Variants in IQGAP2 observed in about 807,000 individuals in gnomAD.
The protein encoded by IQGAP2 is ras GTPase-activating-like protein IQGAP2.
IQGAP2 carries 173 observed loss-of-function variants against 201.3 expected under a neutral mutation model. The ratio of observed to expected loss-of-function variants is 0.86; its 90% CI spans 0.76 to 0.98. The LOEUF (loss-of-function observed/expected upper bound fraction) is 0.98. Ranked by LOEUF, IQGAP2 falls within the 50% of genes least tolerant of loss-of-function variation. The probability of loss-of-function intolerance (pLI) is 0.00; values close to 1 mark genes in which losing one functional copy is unlikely to be tolerated. For missense variants in IQGAP2, 1,687 were observed against 1,864.8 expected, an observed-to-expected ratio of 0.90 and a Z score of 1.76; for synonymous variants, 675 against 673.9, an observed-to-expected ratio of 1.00 and a Z score of -0.03.
In IQGAP2 at chr5:76,674,584, A is replaced by G; in HGVS notation, c.3402A>G (p.Gln1134=). The part of the protein sequence containing the change: ...MTAGGQINSD[Q]RRNLGSVAKV... ...CTGGAGGTCAGATAAATTCTGACCA[A>G]AGGAGAAACTTAGGATCAGTGGCCA... Residue 1134 remains glutamine (Q), a synonymous_variant, in exon 27 of 36, where the codon CAA becomes CAG. Coordinates refer to ENST00000274364, the MANE Select transcript of IQGAP2 (RefSeq NM_006633.5). 2 of 1,614,156 alleles carry G rather than the reference A, an allele frequency of 1.2e-6. No homozygotes were observed. Among genetic ancestry groups the G allele is most frequent in the Non-Finnish European group, 1.7e-6 (2 of 1,179,992 alleles).
Position 76,668,672 on chromosome 5 carries a change from T to C in IQGAP2, c.2680-9T>C. 6.3e-7 allele frequency: 1 copy of C among 1,592,486 alleles called. No individual in the cohort carries two copies. Among genetic ancestry groups the C allele is most frequent in the Non-Finnish European group, 8.5e-7 (1 of 1,174,204 alleles). On this transcript the variant is annotated splice_polypyrimidine_tract_variant and intron_variant, in intron 22 of 35. Coordinates refer to ENST00000274364, the MANE Select transcript of IQGAP2 (RefSeq NM_006633.5). ...TTTTTTTGTTTTCTTTTTCCTTCTT[T>C]CCTTCTAGACCAACCCTTTATACTT...
intron 17 of IQGAP2, among the ~76,000 whole-genome samples, chr5:76,649,573 G>A (rs1002935167): frequency 6.6e-6 from 1 of 152,164 alleles, no homozygotes; most frequent in Admixed American, 6.5e-5. Flanking sequence ...TGCTGTTGTG[G>A]CTCTGAATGA....
At chr5:76,529,628 G>A (rs1409172956) in intron 2 of IQGAP2, among the ~76,000 whole-genome samples, 1 of 115,624 alleles carries the variant, frequency 8.6e-6, no homozygotes, top group Non-Finnish European at 1.8e-5. Context: ...ACTCCCTCTC[G>A]GAATAATAAT....
rs1744867738 is a variant in IQGAP2 at position 76,567,945 on chromosome 5, C to A, written c.304-2635C>A. 2.0e-5 allele frequency among the ~76,000 whole-genome samples: 3 copies of A among 152,270 alleles called. 1 individual carries two copies. Among genetic ancestry groups the A allele is most frequent in the African/African-American group, 7.2e-5 (3 of 41,556 alleles). On this transcript the variant is annotated intron_variant, in intron 3 of 35. Coordinates refer to ENST00000274364, the MANE Select transcript of IQGAP2 (RefSeq NM_006633.5). Reference sequence around the variant, plus strand: ...AAGAAATTAGGTGTATGGATAACAGCAACCCTTGGCTAAATCTGACTGTAG... The same window carrying A: ...AAGAAATTAGGTGTATGGATAACAGAAACCCTTGGCTAAATCTGACTGTAG...
chr5:76,422,328 A>C (rs905772692), intron 1 of IQGAP2, among the ~76,000 whole-genome samples: 3 of 152,328 alleles, frequency 2.0e-5, no homozygotes, highest in East Asian at 3.9e-4. Flanking sequence ...CAGATTAAGC[A>C]AGTGTGTTCC....
At position 76,516,917 on chromosome 5, in the gene IQGAP2, A is replaced by G. The variant is rs540773407; in HGVS notation, c.147-45479A>G. Among the ~76,000 whole-genome samples the G allele has an allele frequency of 4.6e-5, 7 of 152,336 alleles. No individual in the cohort carries two copies. In the South Asian group the frequency reaches 1.4e-3, roughly 32 times the overall value. The stretch of plus-strand genomic sequence containing the variant: ...AAAACATTGTATTTTAAAAATTGAT[A>G]AAGACACTCCATTTGTAAGTACTTG... On this transcript the variant is annotated intron_variant, in intron 2 of 35. Transcript: ENST00000274364.
At chr5:76,505,812 A>G (rs985715081) in intron 2 of IQGAP2, among the ~76,000 whole-genome samples, 2 of 152,134 alleles carry the variant, frequency 1.3e-5, no homozygotes, top group Non-Finnish European at 2.9e-5. Flanking sequence ...ACTTTTACTT[A>G]GCACCCATTA....
chr5:76,514,588 C>CCCT (rs1171432783), intron 2 of IQGAP2, among the ~76,000 whole-genome samples: 1 of 152,214 alleles, frequency 6.6e-6, no homozygotes. Context: ...ATGCTACTCT[C>CCCT]CCTCCTCGGT....
intron 21 of IQGAP2, among the ~76,000 whole-genome samples, chr5:76,664,609 G>T (rs1743571011): frequency 6.6e-6 from 1 of 152,132 alleles, no homozygotes; most frequent in Non-Finnish European, 1.5e-5. Flanking sequence ...CTTGAACCTG[G>T]CAGGCAGAGG....
At position 76,693,373 on chromosome 5, in the gene IQGAP2, T is replaced by A. The variant is rs1459160627; in HGVS notation, c.3924T>A (p.Ile1308=). ...SLMIKTKKLI[I]DVIRNQPGNT... is the part of the protein sequence containing the mutation. ...TGTTAAGGACCAAGAAGCTGATAAT[T>A]GATGTGATCCGGAACCAGCCAGGGA... Residue 1308 remains isoleucine, a synonymous_variant, in exon 31 of 36, where the codon ATT becomes ATA. Coordinates refer to ENST00000274364, the MANE Select transcript of IQGAP2 (RefSeq NM_006633.5). 7.4e-6 allele frequency: 12 copies of A among 1,613,426 alleles called. No homozygotes were observed. The highest frequency in any genetic ancestry group is 1.0e-5 in the Non-Finnish European group (12 of 1,179,646).
intron 2 of IQGAP2, among the ~76,000 whole-genome samples, chr5:76,505,271 C>G (rs1049719436): frequency 5.9e-5 from 9 of 152,232 alleles, no homozygotes; most frequent in African/African-American, 2.2e-4. Context: ...ATGTCAGGCA[C>G]TGTGCCAAGC....
rs751420180 is a variant in IQGAP2 at position 76,693,384 on chromosome 5, G to A, written c.3935G>A (p.Arg1312Gln). 1.1e-5 allele frequency: 18 copies of A among 1,613,626 alleles called. No individual in the cohort carries two copies. The highest frequency in any genetic ancestry group is 1.6e-4 in the Middle Eastern group (1 of 6,084). ...AAGAAGCTGATAATTGATGTGATCC[G>A]GAACCAGCCAGGGAACACATTGACA... ...KTKKLIIDVI[R>Q]NQPGNTLTEI... The change falls in exon 31 of 36, where the codon CGG becomes CAG. Residue 1312 changes from arginine (R) to glutamine (Q), a missense_variant. Arg to Gln is a conservative substitution (Grantham distance 43, BLOSUM62 1). Coordinates refer to ENST00000274364, the MANE Select transcript of IQGAP2 (RefSeq NM_006633.5).
At chr5:76,595,922 C>T (rs1239446800) in intron 9 of IQGAP2, among the ~76,000 whole-genome samples, 1 of 152,036 alleles carries the variant, frequency 6.6e-6, no homozygotes, top group Non-Finnish European at 1.5e-5. Context: ...AGCTGAAAGG[C>T]CTTGGAGTAA....
At chr5:76,648,306 CA>C (rs775145781) in intron 17 of IQGAP2, among the ~76,000 whole-genome samples, 2 of 152,072 alleles carry the variant, frequency 1.3e-5, no homozygotes, top group Non-Finnish European at 2.9e-5. Flanking sequence ...AGACAGAAAC[CA>C]AATGGAGAAC....
rs1744905222 is a variant in IQGAP2 at position 76,677,281 on chromosome 5, C to T, written c.3591C>T (p.Tyr1197=). Residue 1197 remains tyrosine (Y), a synonymous_variant, in exon 28 of 36, where the codon TAC becomes TAT. Coordinates refer to ENST00000274364, the MANE Select transcript of IQGAP2 (RefSeq NM_006633.5). ...AAGAGAAGTTTAATATGGACAAATACACAGACCTGGTGACAGTCAGCAAAC... is the reference window on the plus strand; with the variant it reads ...AAGAGAAGTTTAATATGGACAAATATACAGACCTGGTGACAGTCAGCAAAC... The part of the protein sequence containing the change: ...EPEEKFNMDK[Y]TDLVTVSKPV... 1.2e-6 allele frequency: 2 copies of T among 1,613,360 alleles called. No individual in the cohort carries two copies. The highest frequency in any genetic ancestry group is 8.5e-7 in the Non-Finnish European group (1 of 1,179,426).
At chr5:76,461,714 A>T (rs745562003) in intron 2 of IQGAP2, 45 bp downstream of exon 2, 1 of 1,386,108 alleles carries the variant, frequency 7.2e-7, no homozygotes, top group South Asian at 1.2e-5. Flanking sequence ...TCTTGGAGAT[A>T]AGCTTTGTGA....
chr5:76,477,457 G>T (rs1309772782), intron 2 of IQGAP2, among the ~76,000 whole-genome samples: 8 of 152,102 alleles, frequency 5.3e-5, no homozygotes, highest in Non-Finnish European at 1.2e-4. Context: ...GATTATAATG[G>T]GGCTGAAAAA....
intron 2 of IQGAP2, among the ~76,000 whole-genome samples, chr5:76,558,047 C>T (rs1364100932): frequency 2.6e-5 from 4 of 152,082 alleles, no homozygotes; most frequent in South Asian, 2.1e-4. Flanking sequence ...TCAAGTGATC[C>T]GCCTGCCTGC....
intron 31 of IQGAP2, among the ~76,000 whole-genome samples, chr5:76,695,149 T>C (rs978283543): frequency 8.5e-5 from 13 of 152,226 alleles, no homozygotes; most frequent in African/African-American, 3.1e-4. Flanking sequence ...GGAATTGAAA[T>C]CCTTCCATGT....
Sources: allele counts gnomAD v4.1 joint callset (sites outside exome capture counted in the v4.1 genomes callset), GRCh38; gene constraint gnomAD v4.1.1; transcripts MANE v1.5; gene names NCBI Gene and HGNC (gene_info 2026-07-23, HGNC 2026-07-21).